Variants in DCAF6 observed in about 807,000 individuals in gnomAD.
DCAF6 encodes the protein DDB1- and CUL4-associated factor 6.
DCAF6 carries 54 observed loss-of-function variants against 125.1 expected under a neutral mutation model. That is an observed-to-expected ratio of 0.43 (90% CI 0.35 to 0.54). DCAF6 has a LOEUF of 0.54. Among genes scored for constraint, DCAF6 ranks in the 20% least tolerant of loss-of-function variants. The pLI is 0.01. For missense variants in DCAF6, 934 were observed against 1,161.7 expected (o/e 0.80, Z 2.85); for synonymous variants, 371 against 390.4 (o/e 0.95, Z 0.58).
intron 1 of DCAF6, among the ~76,000 whole-genome samples, chr1:167,940,364 CT>C (rs1275649485): frequency 1.3e-5 from 2 of 151,832 alleles, no homozygotes; most frequent in African/African-American, 2.4e-5. Context: ...ATGTAGGATT[CT>C]TTTTTTTGGT....
intron 12 of DCAF6, among the ~76,000 whole-genome samples, chr1:168,025,024 A>G (rs1323964346): frequency 6.6e-6 from 1 of 152,114 alleles, no homozygotes; most frequent in Non-Finnish European, 1.5e-5. Flanking sequence ...ATGAAGAATA[A>G]TTAAGGCAAA....
the DCAF6 span, among the ~76,000 whole-genome samples, chr1:167,871,918 T>C: frequency 6.6e-6 from 1 of 152,238 alleles, no homozygotes; most frequent in African/African-American, 2.4e-5. Context: ...ACTTAGAAGA[T>C]GAGGCTTCAA....
At chr1:167,930,965 T>C (rs1466165036), upstream of DCAF6, among the ~76,000 whole-genome samples, 1 of 152,262 alleles carries the variant, frequency 6.6e-6, no homozygotes, top group East Asian at 1.9e-4. Flanking sequence ...ATCTGCTCTG[T>C]TGCCCAGGCT....
At chr1:167,914,404 T>A in the DCAF6 span, among the ~76,000 whole-genome samples, 2 of 152,210 alleles carry the variant, frequency 1.3e-5, no homozygotes, top group Non-Finnish European at 2.9e-5. Flanking sequence ...TGGTAGGTGA[T>A]CATCAGAAGT....
chr1:167,962,519 G>C (rs1675773061), intron 2 of DCAF6, among the ~76,000 whole-genome samples: 4 of 151,998 alleles, frequency 2.6e-5, no homozygotes, highest in Admixed American at 2.6e-4. Context: ...AACTACTCCT[G>C]TTTTCTTTTG....
At chr1:168,013,242 AG>A (rs1684540901) in intron 10 of DCAF6, among the ~76,000 whole-genome samples, 1 of 152,202 alleles carries the variant, frequency 6.6e-6, no homozygotes, top group Non-Finnish European at 1.5e-5. Flanking sequence ...ATCATTTTCT[AG>A]GAAGAACTAA....
chr1:167,903,210 C>T, the DCAF6 span, among the ~76,000 whole-genome samples: 3 of 151,802 alleles, frequency 2.0e-5, 1 homozygote, highest in Non-Finnish European at 2.9e-5. Flanking sequence ...GAGCTGAGAT[C>T]GTGCCACTGC....
chr1:167,890,130 G>T, the DCAF6 span, among the ~76,000 whole-genome samples: 4 of 152,138 alleles, frequency 2.6e-5, no homozygotes, highest in Non-Finnish European at 5.9e-5. Context: ...GTTCGTCAGT[G>T]TCTGGACATT....
Position 167,936,893 on chromosome 1 carries a change from A to C in DCAF6, c.-19A>C, listed in dbSNP as rs1414013805. On this transcript the variant is annotated 5_prime_UTR_variant, in exon 1 of 22. Coordinates refer to ENST00000367840, the MANE Select transcript of DCAF6 (RefSeq NM_001198956.2). ...CCCCCACGCGGTGGTCTCCCCTCCC[A>C]CCCGGCTCAGGCAGAGCCATGTCTC... The C allele has an allele frequency of 2.0e-6, 3 of 1,473,830 alleles. No individual in the cohort carries two copies. Among genetic ancestry groups the C allele is most frequent in the African/African-American group, 1.5e-5 (1 of 68,480 alleles). 91.3% of individuals were successfully genotyped at this position (1,473,830 alleles called of 1,614,324 possible).
intron 11 of DCAF6, chr1:168,019,528 CT>C (rs952553578): frequency 1.1e-5 from 5 of 455,596 alleles, no homozygotes; most frequent in African/African-American, 1.0e-4. Flanking sequence ...AAGCCCAACT[CT>C]TTTTTTCCAT....
At chr1:167,935,597 T>A (rs933578431), upstream of DCAF6, 2 of 680,194 alleles carry the variant, frequency 2.9e-6, no homozygotes, top group Non-Finnish European at 2.6e-6. Context: ...GCTAGGAGAG[T>A]AGACGGCTTC....
At chr1:167,939,948 A>G (rs1053461146) in intron 1 of DCAF6, among the ~76,000 whole-genome samples, 1 of 152,136 alleles carries the variant, frequency 6.6e-6, no homozygotes. Flanking sequence ...CATTTTCATT[A>G]TTTGTATTTC....
intron 4 of DCAF6, among the ~76,000 whole-genome samples, chr1:167,986,727 G>T (rs1680056619): frequency 6.6e-6 from 1 of 152,084 alleles, no homozygotes; most frequent in Non-Finnish European, 1.5e-5. Flanking sequence ...GGTAATGCTC[G>T]CTCACCTGCT....
chr1:167,910,746 G>C, the DCAF6 span, among the ~76,000 whole-genome samples: 117 of 152,284 alleles, frequency 7.7e-4, 1 homozygote, highest in South Asian at 0.022. Flanking sequence ...AGTAGCCAGA[G>C]AACTAAGATA....
chr1:167,871,070 TTTTTTTG>T, the DCAF6 span, among the ~76,000 whole-genome samples: 15 of 152,082 alleles, frequency 9.9e-5, no homozygotes, highest in Non-Finnish European at 1.6e-4. Flanking sequence ...AAAGCTTGTT[TTTTTTTG>T]TTTTTTGTTT....
chr1:167,899,324 C>G, the DCAF6 span: 1 of 1,219,670 alleles, frequency 8.2e-7, no homozygotes. Context: ...ATCTCCAGCC[C>G]AGGAGCTTTA....
At chr1:167,896,492 G>T in the DCAF6 span, 1 of 912,694 alleles carries the variant, frequency 1.1e-6, no homozygotes, top group Non-Finnish European at 1.8e-6. Flanking sequence ...ACCAGGAGCT[G>T]TGTTGAGGAG....
intron 13 of DCAF6, among the ~76,000 whole-genome samples, chr1:168,039,548 G>A (rs1688233289): frequency 6.7e-6 from 1 of 149,160 alleles, no homozygotes; most frequent in Admixed American, 6.7e-5. Context: ...CTTAGGAATA[G>A]TAATCTATTA....
chr1:167,940,501 C>T (rs1672076640), intron 1 of DCAF6, among the ~76,000 whole-genome samples: 2 of 140,512 alleles, frequency 1.4e-5, no homozygotes, highest in African/African-American at 2.8e-5. Context: ...CCTCAGCCTC[C>T]TGGAATTTTT....
Sources: gnomAD v4.1 joint callset for allele counts (sites outside exome capture counted in the v4.1 genomes callset) on GRCh38, gnomAD v4.1.1 for gene constraint, MANE v1.5 for transcripts, NCBI Gene and HGNC (gene_info 2026-07-23, HGNC 2026-07-21) for gene names.